LIPC: variants seen among roughly 807,000 people sequenced by gnomAD.
The protein encoded by LIPC is lipase C, hepatic type.
In LIPC, 44 loss-of-function variants were observed where a neutral mutation model predicts 50.7. The observed-to-expected ratio is 0.87, with a 90% CI of 0.68 to 1.11. The LOEUF (loss-of-function observed/expected upper bound fraction) is 1.11. LIPC is among the 50% of genes most tolerant of loss of function. LIPC has a pLI of 0.00. For missense variants in LIPC, 697 were observed against 648.2 expected (o/e 1.08, Z -0.82); for synonymous variants, 271 against 256.4 (o/e 1.06, Z -0.54).
At chr15:58,475,199 C>A (rs1290240654) in intron 1 of LIPC, among the ~76,000 whole-genome samples, 3 of 152,190 alleles carry the variant, frequency 2.0e-5, no homozygotes, top group Non-Finnish European at 2.9e-5. Context: ...ATTGCCACTG[C>A]CCTCTTCAGT....
intron 1 of LIPC, among the ~76,000 whole-genome samples, chr15:58,489,229 G>GGGGGGT (rs1891491669): frequency 9.8e-6 from 1 of 101,672 alleles, no homozygotes; most frequent in Non-Finnish European, 2.1e-5. Context: ...GGGGCGGGGG[G>GGGGGGT]GCGGCTTACA....
Position 58,560,943 on chromosome 15 carries a change from C to G in LIPC, c.1131C>G (p.Leu377=). 1 of 1,571,320 alleles carries G rather than the reference C, an allele frequency of 6.4e-7. No individual in the cohort carries two copies. Among genetic ancestry groups the G allele is most frequent in the Non-Finnish European group, 8.8e-7 (1 of 1,140,834 alleles). ...AAACAACTTTTACCATGTCACTACT[C>G]GGAACAAAAGAGAAAATGCAGAAAA... ...PIQTTFTMSL[L]GTKEKMQKIP... Residue 377 remains leucine (L), a synonymous_variant, in exon 7 of 9, where the codon CTC becomes CTG. Coordinates refer to ENST00000299022, the MANE Select transcript of LIPC (RefSeq NM_000236.3).
At chr15:58,543,100 G>A (rs1893393273) in intron 4 of LIPC, among the ~76,000 whole-genome samples, 1 of 152,162 alleles carries the variant, frequency 6.6e-6, no homozygotes, top group Admixed American at 6.5e-5. Flanking sequence ...TTTGGGTTGA[G>A]GGAGGGAGCT....
Position 58,545,752 on chromosome 15 carries a change from CG to C in LIPC, c.586del (p.Ala196ArgfsTer35), listed in dbSNP as rs781040430. The C allele has an allele frequency of 6.2e-7, 1 of 1,614,124 alleles. No homozygotes were observed. The highest frequency in any genetic ancestry group is 8.5e-7 in the Non-Finnish European group (1 of 1,179,982). The part of the protein sequence containing the change: ...KIGRITGLDA[A>X]GPLFEGSAPS... ...CTGCTTTCCCATTAGGGCTGGATGC[CG>C]CGGGACCTTTGTTTGAGGGAAGTGC... On this transcript the variant is annotated frameshift_variant, in exon 5 of 9. Coordinates refer to ENST00000299022, the MANE Select transcript of LIPC (RefSeq NM_000236.3). LOFTEE classifies it high-confidence loss of function.
At chr15:58,443,855 G>A (rs535968724) in intron 1 of LIPC, among the ~76,000 whole-genome samples, 42 of 149,032 alleles carry the variant, frequency 2.8e-4, no homozygotes, top group African/African-American at 9.3e-4. Flanking sequence ...TTGCGGGCAG[G>A]GGGTGGATCT....
intron 1 of LIPC, among the ~76,000 whole-genome samples, chr15:58,508,685 C>A (rs534540814): frequency 1.3e-5 from 2 of 151,782 alleles, no homozygotes; most frequent in African/African-American, 2.4e-5. Flanking sequence ...AGAGTCCTTA[C>A]GACTGACATA....
intron 1 of LIPC, among the ~76,000 whole-genome samples, chr15:58,450,879 A>C (rs1893876179): frequency 6.6e-6 from 1 of 152,224 alleles, no homozygotes; most frequent in Non-Finnish European, 1.5e-5. Context: ...AGGGCAATAA[A>C]GGGGTACAGT....
chr15:58,501,193 C>T (rs1223491719), intron 1 of LIPC, among the ~76,000 whole-genome samples: 1 of 152,084 alleles, frequency 6.6e-6, no homozygotes, highest in Admixed American at 6.6e-5. Context: ...AGGGATTTGT[C>T]ATCTCCTCCC....
At chr15:58,558,769 G>A (rs1894050987) in intron 6 of LIPC, among the ~76,000 whole-genome samples, 1 of 152,162 alleles carries the variant, frequency 6.6e-6, no homozygotes, top group Non-Finnish European at 1.5e-5. Flanking sequence ...GGGGACTGCT[G>A]GTGTATAGGG....
intron 1 of LIPC, among the ~76,000 whole-genome samples, chr15:58,528,612 C>T (rs536482073): frequency 1.2e-4 from 19 of 152,118 alleles, no homozygotes; most frequent in Non-Finnish European, 2.5e-4. Context: ...TCAGGTGATC[C>T]TCCCACCTCA....
At chr15:58,445,160 A>G (rs1477756613) in intron 1 of LIPC, among the ~76,000 whole-genome samples, 1 of 152,186 alleles carries the variant, frequency 6.6e-6, no homozygotes, top group Non-Finnish European at 1.5e-5. Flanking sequence ...CAACAGAATG[A>G]TTGGGACTTT....
At chr15:58,505,935 A>T (rs1892132667) in intron 1 of LIPC, among the ~76,000 whole-genome samples, 1 of 152,152 alleles carries the variant, frequency 6.6e-6, no homozygotes, top group Non-Finnish European at 1.5e-5. Flanking sequence ...CTCCCTCCTC[A>T]CAAGAGGCGG....
At chr15:58,472,479 G>A (rs1890845753) in intron 1 of LIPC, among the ~76,000 whole-genome samples, 1 of 150,960 alleles carries the variant, frequency 6.6e-6, no homozygotes, top group African/African-American at 2.4e-5. Flanking sequence ...AGGAAGCTGA[G>A]GCATGCGAAT....
chr15:58,541,093 G>A (rs1405801824), intron 2 of LIPC, among the ~76,000 whole-genome samples: 13 of 152,120 alleles, frequency 8.5e-5, no homozygotes, highest in African/African-American at 1.9e-4. Context: ...GAGCCACCGC[G>A]CCCAGCCCCC....
In LIPC at chr15:58,491,792, C is replaced by A. The variant is rs529626355; in HGVS notation, c.89-46541C>A. 3.3e-5 allele frequency among the ~76,000 whole-genome samples: 5 copies of A among 152,326 alleles called. No individual in the cohort carries two copies. In the East Asian group the frequency reaches 7.7e-4, roughly 23 times the overall value. Reference sequence around the variant, plus strand: ...GCACTGGCCCTTCCCTCATCCCTGGCCTGACCTAAGAGGGCTGGGGTACCA... The same window carrying A: ...GCACTGGCCCTTCCCTCATCCCTGGACTGACCTAAGAGGGCTGGGGTACCA... On this transcript the variant is annotated intron_variant, in intron 1 of 8. Coordinates refer to ENST00000299022, the MANE Select transcript of LIPC (RefSeq NM_000236.3).
Position 58,569,029 on chromosome 15 carries a change from CA to C in LIPC, c.*207del. On this transcript the variant is annotated 3_prime_UTR_variant, in exon 9 of 9. Transcript: ENST00000299022. ...AACTATTTTCCAGTATCAGTACAAC[CA>C]AAAATGTCCCAATTTTATCTCTGGT... is the stretch of plus-strand genomic sequence containing the variant. 2.4e-6 allele frequency: 1 copy of C among 417,334 alleles called. No homozygotes were observed. Among genetic ancestry groups the C allele is most frequent in the Non-Finnish European group, 4.2e-6 (1 of 235,572 alleles). 25.9% of individuals were successfully genotyped at this position (417,334 alleles called of 1,614,324 possible).
chr15:58,554,992 G>C (rs1893885738), intron 6 of LIPC, among the ~76,000 whole-genome samples: 1 of 152,132 alleles, frequency 6.6e-6, no homozygotes, highest in African/African-American at 2.4e-5. Flanking sequence ...ATGCTGGCTT[G>C]GCTCTTCACA....
At chr15:58,567,621 T>C (rs1211685224) in intron 8 of LIPC, among the ~76,000 whole-genome samples, 11 of 152,050 alleles carry the variant, frequency 7.2e-5, no homozygotes, top group African/African-American at 2.4e-5. Flanking sequence ...AAAATCTTAA[T>C]GTCTAACAGT....
chr15:58,441,217 C>T (rs1350256261), intron 1 of LIPC, among the ~76,000 whole-genome samples: 2 of 152,210 alleles, frequency 1.3e-5, no homozygotes, highest in Non-Finnish European at 2.9e-5. Flanking sequence ...AGGCTTGGAG[C>T]AAGTCTCTTT....
Sources: gnomAD v4.1 joint callset for allele counts (sites outside exome capture counted in the v4.1 genomes callset) on GRCh38, gnomAD v4.1.1 for gene constraint, MANE v1.5 for transcripts, NCBI Gene and HGNC (gene_info 2026-07-23, HGNC 2026-07-21) for gene names.